CDAN1: variants seen among roughly 807,000 people sequenced by gnomAD.
CDAN1 encodes the protein codanin 1, also known as codanin-1.
In CDAN1, 107 loss-of-function variants were observed where a neutral mutation model predicts 139.8. The ratio of observed to expected loss-of-function variants is 0.77; its 90% confidence interval spans 0.65 to 0.90. The LOEUF (loss-of-function observed/expected upper bound fraction) is 0.90, where lower values mean the gene tolerates loss of function less well. Among genes scored for constraint, CDAN1 ranks in the 40% least tolerant of loss-of-function variants. CDAN1 has a pLI of 0.00. For synonymous variants in CDAN1, 776 were observed against 660.6 expected, an observed-to-expected ratio of 1.17 and a Z score of -2.68; for missense variants, 1,667 against 1,575.7, an observed-to-expected ratio of 1.06 and a Z score of -0.98.
rs1363987649 is a variant in CDAN1, at chr15:42,733,124, A to G, written c.1430T>C (p.Phe477Ser). The change falls in exon 9 of 28, where the codon TTT becomes TCT. Residue 477 changes from phenylalanine to serine, a missense_variant. Coordinates refer to ENST00000356231, the MANE Select transcript of CDAN1 (RefSeq NM_138477.4). ...EDHHEEPGWDFEKGLGSRIRA... is the reference protein window; with the variant it reads ...EDHHEEPGWDSEKGLGSRIRA... ...GATTCTGCTGCCCAAGCCCTTCTCA[A>G]AATCCCAGCCAGGCTCCTCATGGTG... The G allele has an allele frequency of 6.2e-7, 1 of 1,613,986 alleles. No homozygotes were observed. The highest frequency in any genetic ancestry group is 8.5e-7 in the Non-Finnish European group (1 of 1,179,974).
At chr15:42,731,478 G>C (rs2061610886) in intron 11 of CDAN1, 142 bp downstream of exon 11, 8 of 1,410,806 alleles carry the variant, frequency 5.7e-6, no homozygotes, top group Non-Finnish European at 8.0e-6. Flanking sequence ...GTGACAGAAT[G>C]AGAAGTGCAA....
rs2061565837 is a variant in CDAN1, at chr15:42,728,702, CA to C, written c.2753del (p.Leu918CysfsTer41). ...GGDPAQLLEI[L>X]CSQLCPHGAQ... ...CCCCGTGAGGGCACAGCTGGGAACA[CA>C]AGATCTCCAACAGCTGGGCTGGGTC... On this transcript the variant is annotated frameshift_variant, in exon 20 of 28. Transcript: ENST00000356231. LOFTEE classifies it high-confidence loss of function. 1.2e-6 allele frequency: 2 copies of C among 1,614,104 alleles called. No homozygotes were observed. Among genetic ancestry groups the C allele is most frequent in the Admixed American group, 1.7e-5 (1 of 60,016 alleles).
rs1566978408 is a variant in CDAN1, at chr15:42,725,536, G to A, written c.3403C>T (p.Leu1135=). The change falls in exon 26 of 28, where the codon CTG becomes TTG. Residue 1135 remains leucine, a synonymous_variant. Coordinates refer to ENST00000356231, the MANE Select transcript of CDAN1 (RefSeq NM_138477.4). ...FQGPVPLQLL[L]SPRNVGLLAD... is the part of the protein sequence containing the mutation. ...AGAAGCCCCACATTTCTTGGGCTCAGCAGCAGCTGCAGCGGAACCGGCCCC... is the reference window on the plus strand; with the variant it reads ...AGAAGCCCCACATTTCTTGGGCTCAACAGCAGCTGCAGCGGAACCGGCCCC... The A allele has an allele frequency of 1.2e-6, 2 of 1,614,164 alleles. No homozygotes were observed. The highest frequency in any genetic ancestry group is 2.2e-5 in the East Asian group (1 of 44,872).
chr15:42,731,971 C>T (rs1595859136), intron 10 of CDAN1, 146 bp from the exon 11 acceptor site: 2 of 797,628 alleles, frequency 2.5e-6, no homozygotes, highest in Admixed American at 4.1e-5. Context: ...ATGTGAATTA[C>T]AGTATTGTTT....
At chr15:42,727,569 A>G (rs1022098719) in intron 23 of CDAN1, 52 bp downstream of exon 23, 11 of 1,455,298 alleles carry the variant, frequency 7.6e-6, no homozygotes, top group Non-Finnish European at 1.0e-5. Flanking sequence ...AACCAGGAAC[A>G]GAGCAGGGGG....
chr15:42,730,192 C>G lies in CDAN1; in HGVS notation c.2198G>C (p.Ser733Thr), dbSNP rs768710251. ...GTTCAGGAAACACATCTTCCCCTCA[C>G]TCTCCTGCGACAACACCAAGCTCCT... ...LHRSLVLSQE[S>T]EGKMCFLNKL... Residue 733 changes from serine (S) to threonine (T), a missense_variant, in exon 15 of 28, where the codon AGT becomes ACT. Coordinates refer to ENST00000356231, the MANE Select transcript of CDAN1 (RefSeq NM_138477.4). 1 of 1,614,226 alleles carries G rather than the reference C, an allele frequency of 6.2e-7. No homozygotes were observed. Among genetic ancestry groups the G allele is most frequent in the East Asian group, 2.2e-5 (1 of 44,892 alleles).
chr15:42,730,498 C>A (rs1054323295), intron 14 of CDAN1, 100 bp downstream of exon 14: 3 of 1,385,284 alleles, frequency 2.2e-6, no homozygotes, highest in Non-Finnish European at 3.0e-6. Context: ...GGGCCCCACA[C>A]GCACAGTGCA....
Position 42,730,976 on chromosome 15 carries a change from T to G in CDAN1, c.1956A>C (p.Glu652Asp). 6.2e-7 allele frequency: 1 copy of G among 1,613,732 alleles called. No homozygotes were observed. Among genetic ancestry groups the G allele is most frequent in the Admixed American group, 1.7e-5 (1 of 59,982 alleles). ...CCTGAAGCTCACCGGTCGGGGGAGG[T>G]TCAGGCCCCCGGTATGGCAGGAAAG... ...FVAFLPYRGP[E>D]PPPTGELQDS... Residue 652 changes from glutamate (E) to aspartate (D), a missense_variant, in exon 13 of 28, where the codon GAA becomes GAC. By Grantham distance (45) the Glu-to-Asp change is conservative (BLOSUM62 2). This residue lies in a region of CDAN1 where 936 missense variants were observed against 844.1 expected (regional missense o/e 1.11). Coordinates refer to ENST00000356231, the MANE Select transcript of CDAN1 (RefSeq NM_138477.4).
rs1231592816 is a variant in CDAN1 at position 42,728,725 on chromosome 15, G to C, written c.2731C>G (p.Pro911Ala). ...LVTQGEEGGD[P>A]AQLLEILCSQ... Reference sequence around the variant, plus strand: ...CACAAGATCTCCAACAGCTGGGCTGGGTCTCCCCCTTCCTCTCCCTGTGTC... The same window carrying C: ...CACAAGATCTCCAACAGCTGGGCTGCGTCTCCCCCTTCCTCTCCCTGTGTC... Residue 911 changes from proline (P) to alanine (A), a missense_variant, in exon 20 of 28, where the codon CCA becomes GCA. Pro to Ala is a conservative substitution (Grantham distance 27). This residue lies in a region of CDAN1 where 936 missense variants were observed against 844.1 expected (regional missense o/e 1.11). Coordinates refer to ENST00000356231, the MANE Select transcript of CDAN1 (RefSeq NM_138477.4). 3.7e-6 allele frequency: 6 copies of C among 1,614,060 alleles called. No individual in the cohort carries two copies. In the Admixed American group the frequency reaches 1.0e-4, roughly 27 times the overall value.
chr15:42,730,239 C>T lies in CDAN1; in HGVS notation c.2175-24G>A, dbSNP rs750800309. The T allele has an allele frequency of 7.9e-5, 126 of 1,600,938 alleles. No individual in the cohort carries two copies. The South Asian group carries it at 9.4e-4, about 12-fold the overall frequency. ...TCCTGAAACATCAATGGGCAGTACA[C>T]GGGTTTGAGCAGAAAGGGGAAGGGA... On this transcript the variant is annotated intron_variant, in intron 14 of 27. Coordinates refer to ENST00000356231, the MANE Select transcript of CDAN1 (RefSeq NM_138477.4).
chr15:42,724,345 G>A lies in CDAN1; in HGVS notation c.*146C>T. ...TAGGATTCGCGTGGTGGGATGCCAG[G>A]CAGTGACACCCTTAGAGCAGGAAGT... On this transcript the variant is annotated 3_prime_UTR_variant, in exon 28 of 28. Transcript: ENST00000356231. The A allele has an allele frequency of 9.3e-7, 1 of 1,073,298 alleles. No homozygotes were observed. The allele number at this position is 1,073,298 out of a possible 1,614,324, so 66.5% of individuals were successfully genotyped here.
At chr15:42,730,893 TC>T in intron 13 of CDAN1, 31 bp downstream of exon 13, 1 of 1,613,926 alleles carries the variant, frequency 6.2e-7, no homozygotes. Context: ...TCCTCCCTGC[TC>T]CCTCCTCACC....
chr15:42,730,095 CCT>C (rs2061588854), intron 15 of CDAN1, 31 bp downstream of exon 15: 10 of 1,589,832 alleles, frequency 6.3e-6, no homozygotes, highest in South Asian at 5.5e-5. Flanking sequence ...AGCTGTAGAA[CCT>C]CTCTCCAATC....
Position 42,725,268 on chromosome 15 carries a change from G to A in CDAN1, c.3451-17C>T, listed in dbSNP as rs2061508943. ...CAAGTCCCACTGCAAAACACACCGA[G>A]GTCAGGGTTGCTAGGAGGACGACAG... On this transcript the variant is annotated splice_polypyrimidine_tract_variant and intron_variant, in intron 26 of 27. Transcript: ENST00000356231. 1 of 1,609,822 alleles carries A rather than the reference G, an allele frequency of 6.2e-7. No individual in the cohort carries two copies. Among genetic ancestry groups the A allele is most frequent in the Admixed American group, 1.7e-5 (1 of 59,992 alleles).
rs1304794273 is a variant in CDAN1, at chr15:42,724,443, G to A, written c.*48C>T. On this transcript the variant is annotated 3_prime_UTR_variant, in exon 28 of 28. Coordinates refer to ENST00000356231, the MANE Select transcript of CDAN1 (RefSeq NM_138477.4). Reference sequence around the variant, plus strand: ...GCACTTGGGCCTCCTCGTGAGGCGGGGGTCCAGGGTTCTGGTGCAATGCCC... The same window carrying A: ...GCACTTGGGCCTCCTCGTGAGGCGGAGGTCCAGGGTTCTGGTGCAATGCCC... 1 of 1,560,680 alleles carries A rather than the reference G, an allele frequency of 6.4e-7. No homozygotes were observed. Among genetic ancestry groups the A allele is most frequent in the Middle Eastern group, 2.1e-4 (1 of 4,832 alleles).
At chr15:42,725,709 C>A (rs771049676) in intron 25 of CDAN1, 39 bp from the exon 26 acceptor site, 7 of 1,608,038 alleles carry the variant, frequency 4.4e-6, no homozygotes, top group East Asian at 2.2e-5. Context: ...AAGATGGGGG[C>A]AGGCCGGGTG....
At chr15:42,729,523 A>G (rs1347045054) in intron 17 of CDAN1, 45 bp downstream of exon 17, 6 of 1,613,310 alleles carry the variant, frequency 3.7e-6, no homozygotes, top group African/African-American at 2.7e-5. Flanking sequence ...TTGGGTACTC[A>G]TGGAGGGACA....
chr15:42,725,640 G>A lies in CDAN1; in HGVS notation c.3299C>T (p.Pro1100Leu), dbSNP rs375521934. 4.1e-5 allele frequency: 66 copies of A among 1,613,784 alleles called. 1 individual carries two copies. Among genetic ancestry groups the A allele is most frequent in the East Asian group, 1.3e-4 (6 of 44,864 alleles). Reference sequence around the variant, plus strand: ...CCCTCTCTCCAGCCTGTACTGTGCCGGGGGCCCTAGGATAGGAATTTGATC... The same window carrying A: ...CCCTCTCTCCAGCCTGTACTGTGCCAGGGGCCCTAGGATAGGAATTTGATC... ...VADQIPILGP[P>L]AQYRLERGQA... is the part of the protein sequence containing the mutation. Residue 1100 changes from proline (P) to leucine (L), a missense_variant, in exon 26 of 28, where the codon CCG (proline) becomes CTG (leucine). Transcript: ENST00000356231.
rs1484923541 is a variant in CDAN1, at chr15:42,737,021, C to G, written c.82G>C (p.Gly28Arg). 6.5e-7 allele frequency: 1 copy of G among 1,547,488 alleles called. No individual in the cohort carries two copies. The highest frequency in any genetic ancestry group is 8.7e-7 in the Non-Finnish European group (1 of 1,145,142). The change falls in exon 1 of 28, where the codon GGT becomes CGT. Residue 28 changes from glycine to arginine, a missense_variant. By Grantham distance (125) the Gly-to-Arg change is moderately radical. Coordinates refer to ENST00000356231, the MANE Select transcript of CDAN1 (RefSeq NM_138477.4). The part of the protein sequence containing the change: ...VVRWIARSTQ[G>R]SEDNAGEAAA... ...CGTGTCACCGCTGTTACCTCCGAAC[C>G]CTGGGTGCTGCGCGCGATCCACCGC...
Sources: allele counts gnomAD v4.1 joint callset, GRCh38; gene constraint gnomAD v4.1.1; regional missense constraint gnomAD v4.1.1; transcripts MANE v1.5; gene names NCBI Gene and HGNC (gene_info 2026-07-23, HGNC 2026-07-21).